The following ADGRV1 variants were observed in gnomAD, a reference collection of about 807,000 sequenced individuals.
ADGRV1 encodes the protein adhesion G protein-coupled receptor V1.
A neutral mutation model predicts 596.2 loss-of-function variants in ADGRV1; 359 were observed. The observed-to-expected ratio is 0.60, with a 90% CI of 0.55 to 0.66. ADGRV1 has a LOEUF of 0.66. Among genes scored for constraint, ADGRV1 ranks in the 30% least tolerant of loss-of-function variants. The pLI is 0.00. For missense variants in ADGRV1, 7,274 were observed against 7,575.6 expected (o/e 0.96, Z 1.48); for synonymous variants, 2,681 against 2,679.2 (o/e 1.00, Z -0.02).
At chr5:90,661,020 G>C (rs1770202779) in intron 21 of ADGRV1, among the ~76,000 whole-genome samples, 1 of 152,150 alleles carries the variant, frequency 6.6e-6, no homozygotes, top group African/African-American at 2.4e-5. Context: ...TAGGGTCCTG[G>C]TGAGGCATGC....
At position 90,811,251 on chromosome 5, in the gene ADGRV1, T is replaced by G. The variant is rs1316617346; in HGVS notation, c.15991T>G (p.Phe5331Val). ...TGAGGGGCAGGAATTCTTCTACGTG[T>G]TTCTCACAAACCCTCAAGGGGGAGC... ...EPEGQEFFYV[F>V]LTNPQGGAQI... Residue 5331 changes from phenylalanine to valine, a missense_variant, in exon 74 of 90, where the codon TTT (phenylalanine) becomes GTT (valine). This residue lies in a region of ADGRV1 where 1,874 missense variants were observed against 1,970.2 expected (regional missense o/e 0.95). Coordinates refer to ENST00000405460, the MANE Select transcript of ADGRV1 (RefSeq NM_032119.4). 1 of 1,612,620 alleles carries G rather than the reference T, an allele frequency of 6.2e-7. No homozygotes were observed. The highest frequency in any genetic ancestry group is 8.5e-7 in the Non-Finnish European group (1 of 1,179,256).
chr5:90,575,984 G>A (rs1231634593), intron 1 of ADGRV1, among the ~76,000 whole-genome samples: 1 of 152,040 alleles, frequency 6.6e-6, no homozygotes, highest in Non-Finnish European at 1.5e-5. Flanking sequence ...CCTGTGAAAT[G>A]GTTGCACAAC....
intron 85 of ADGRV1, among the ~76,000 whole-genome samples, chr5:91,051,165 T>A (rs766541654): frequency 4.6e-5 from 7 of 152,236 alleles, no homozygotes; most frequent in Non-Finnish European, 1.0e-4. Flanking sequence ...TTTAAATGTA[T>A]GAATTTCATC....
intron 1 of ADGRV1, among the ~76,000 whole-genome samples, chr5:90,610,911 T>G (rs965915520): frequency 8.5e-5 from 13 of 152,104 alleles, no homozygotes; most frequent in African/African-American, 2.9e-4. Flanking sequence ...ATTTCCAGAC[T>G]GTGGGAGAAC....
chr5:90,633,761 A>T (rs996079813), intron 9 of ADGRV1, among the ~76,000 whole-genome samples: 2 of 152,240 alleles, frequency 1.3e-5, no homozygotes, highest in South Asian at 2.1e-4. Context: ...GGCTTCATCT[A>T]TATGCCAATA....
rs201785422 is a variant in ADGRV1, at chr5:90,694,227, T to C, written c.7471T>C (p.Ser2491Pro). 3.1e-6 allele frequency: 5 copies of C among 1,613,866 alleles called. No homozygotes were observed. Among genetic ancestry groups the C allele is most frequent in the Non-Finnish European group, 4.2e-6 (5 of 1,179,834 alleles). ...CAGGAAAAACATGACCAGGGTAGCA[T>C]CTCTTTTTAGTGGTCAGGCTGTGGC... ...TYRKNMTRVA[S>P]LFSGQAVAGS... Residue 2491 changes from serine to proline, a missense_variant, in exon 33 of 90, where the codon TCT (serine) becomes CCT (proline). Physicochemically the swap from Ser to Pro is moderately conservative, Grantham distance 74. Around this residue, in one of 5 missense-constraint regions of ADGRV1, gnomAD observed 3,643 missense variants for 3,809.2 expected, o/e 0.96. Coordinates refer to ENST00000405460, the MANE Select transcript of ADGRV1 (RefSeq NM_032119.4).
At chr5:90,971,813 C>T (rs879091827) in intron 84 of ADGRV1, among the ~76,000 whole-genome samples, 1 of 152,188 alleles carries the variant, frequency 6.6e-6, no homozygotes, top group Non-Finnish European at 1.5e-5. Flanking sequence ...AAATAATCAG[C>T]TAACATCATA....
chr5:91,114,463 G>T (rs770319471), intron 87 of ADGRV1, among the ~76,000 whole-genome samples: 17 of 152,062 alleles, frequency 1.1e-4, no homozygotes, highest in Admixed American at 4.6e-4. Context: ...GGAAGCGGAG[G>T]TTGCAGTGAG....
intron 32 of ADGRV1, among the ~76,000 whole-genome samples, chr5:90,693,025 C>T (rs190494512): frequency 6.6e-6 from 1 of 152,144 alleles, no homozygotes; most frequent in African/African-American, 2.4e-5. Flanking sequence ...CTCTCTAACC[C>T]CAGAAATGCA....
intron 57 of ADGRV1, among the ~76,000 whole-genome samples, chr5:90,759,151 T>C (rs1270960537): frequency 1.3e-5 from 2 of 152,188 alleles, no homozygotes; most frequent in Non-Finnish European, 2.9e-5. Context: ...ATTTCTGACT[T>C]TGAAATACCA....
intron 85 of ADGRV1, among the ~76,000 whole-genome samples, chr5:90,986,290 C>A (rs1322434285): frequency 6.6e-6 from 1 of 151,498 alleles, no homozygotes; most frequent in Admixed American, 6.6e-5. Flanking sequence ...GAAAAAATAG[C>A]CTATTCACAA....
intron 73 of ADGRV1, among the ~76,000 whole-genome samples, chr5:90,808,328 T>C (rs2150214349): frequency 6.6e-6 from 1 of 152,360 alleles, no homozygotes; most frequent in Non-Finnish European, 1.5e-5. Flanking sequence ...GATTTAGTCC[T>C]GGCTCTGCCA....
intron 82 of ADGRV1, among the ~76,000 whole-genome samples, chr5:90,860,014 T>G (rs932192726): frequency 9.9e-5 from 15 of 151,334 alleles, no homozygotes; most frequent in Non-Finnish European, 2.2e-4. Flanking sequence ...TTGCTTGAGC[T>G]CAGGAGTTCA....
Position 90,643,976 on chromosome 5 carries a change from C to A in ADGRV1, c.2727C>A (p.Ile909=), listed in dbSNP as rs768005220. Residue 909 remains isoleucine, a synonymous_variant, in exon 14 of 90, where the codon ATC becomes ATA. Coordinates refer to ENST00000405460, the MANE Select transcript of ADGRV1 (RefSeq NM_032119.4). ...TAAATGAAAGCAAAGGAGATGCTAT[C>A]TATAGTGGTAATTTATTCTGTGTCT... The part of the protein sequence containing the change: ...VMINESKGDA[I]YSAVYDVVRN... The A allele has an allele frequency of 5.1e-6, 8 of 1,580,952 alleles. 1 individual carries two copies. The South Asian group carries it at 5.8e-5, about 11-fold the overall frequency.
chr5:90,601,893 G>A (rs1016147360), intron 1 of ADGRV1, among the ~76,000 whole-genome samples: 1 of 152,200 alleles, frequency 6.6e-6, no homozygotes, highest in African/African-American at 2.4e-5. Context: ...GTAAAAACCA[G>A]CAGTCATTTG....
intron 43 of ADGRV1, among the ~76,000 whole-genome samples, chr5:90,719,298 G>A (rs1427483479): frequency 6.6e-6 from 1 of 151,426 alleles, no homozygotes; most frequent in Non-Finnish European, 1.5e-5. Context: ...TTCAGCCTGG[G>A]TGACAGCACA....
At chr5:90,979,793 T>C (rs1462355151) in intron 84 of ADGRV1, among the ~76,000 whole-genome samples, 1 of 152,162 alleles carries the variant, frequency 6.6e-6, no homozygotes, top group Non-Finnish European at 1.5e-5. Flanking sequence ...CAGAAGGAAA[T>C]TAAAACCCAG....
intron 83 of ADGRV1, among the ~76,000 whole-genome samples, chr5:90,928,263 G>A (rs1212767224): frequency 6.6e-6 from 1 of 151,984 alleles, no homozygotes. Context: ...TCACTTTCAG[G>A]TACACCAATC....
intron 25 of ADGRV1, among the ~76,000 whole-genome samples, chr5:90,677,130 C>A (rs760661853): frequency 6.6e-6 from 1 of 152,022 alleles, no homozygotes; most frequent in East Asian, 1.9e-4. Flanking sequence ...TTACAAAACC[C>A]GGTATCATTA....
Sources: gnomAD v4.1 joint callset for allele counts (sites outside exome capture counted in the v4.1 genomes callset) on GRCh38, gnomAD v4.1.1 for gene constraint, gnomAD v4.1.1 regional missense constraint, MANE v1.5 for transcripts, NCBI Gene and HGNC (gene_info 2026-07-23, HGNC 2026-07-21) for gene names.